The following TADA1 variants were observed in gnomAD, a reference collection of about 807,000 sequenced individuals.
TADA1 encodes the protein transcriptional adapter 1.
TADA1 carries 23 observed loss-of-function variants against 39.3 expected under a neutral mutation model. The observed-to-expected ratio is 0.58, with a 90% CI of 0.42 to 0.83. The LOEUF (loss-of-function observed/expected upper bound fraction) is 0.83, where lower values mean the gene tolerates loss of function less well. Ranked by LOEUF, TADA1 falls within the 40% of genes least tolerant of loss-of-function variation. The pLI, the probability that TADA1 is intolerant of heterozygous loss-of-function variation, is 0.00. For synonymous variants in TADA1, 137 were observed against 151.8 expected (o/e 0.90, Z 0.72); for missense variants, 352 against 408.1 (o/e 0.86, Z 1.18).
intron 1 of TADA1, among the ~76,000 whole-genome samples, chr1:166,875,677 T>C (rs979539411): frequency 1.3e-5 from 2 of 152,380 alleles, no homozygotes; most frequent in Admixed American, 6.5e-5. Flanking sequence ...CCTTACGAAA[T>C]TGCTGTCAAA....
chr1:166,872,739 C>T (rs1339570056), intron 1 of TADA1, among the ~76,000 whole-genome samples: 6 of 152,230 alleles, frequency 3.9e-5, no homozygotes, highest in Middle Eastern at 6.8e-3. Flanking sequence ...AGTGAAGCCA[C>T]CTGAGGCCCT....
At chr1:166,875,754 CA>C (rs940248002) in intron 1 of TADA1, among the ~76,000 whole-genome samples, 3 of 152,254 alleles carry the variant, frequency 2.0e-5, no homozygotes, top group African/African-American at 7.2e-5. Flanking sequence ...GGAAGCCCTC[CA>C]GGGGCGGGCC....
intron 3 of TADA1, among the ~76,000 whole-genome samples, chr1:166,867,581 G>A (rs1304017366): frequency 6.6e-6 from 1 of 151,076 alleles, no homozygotes; most frequent in Non-Finnish European, 1.5e-5. Flanking sequence ...GAGATCTTAT[G>A]TGAATTTTTT....
At chr1:166,862,892 AT>A (rs1490993516) in intron 4 of TADA1, 5 of 160,494 alleles carry the variant, frequency 3.1e-5, no homozygotes, top group Admixed American at 2.4e-4. Flanking sequence ...TAACTACTTA[AT>A]TGCTGTTATT....
At chr1:166,875,369 C>G (rs562454579) in intron 1 of TADA1, among the ~76,000 whole-genome samples, 1 of 152,258 alleles carries the variant, frequency 6.6e-6, no homozygotes, top group African/African-American at 2.4e-5. Context: ...CCTGCCATAA[C>G]CTGGATGAAG....
chr1:166,859,600 A>G (rs1006281628), intron 6 of TADA1, among the ~76,000 whole-genome samples: 1 of 152,182 alleles, frequency 6.6e-6, no homozygotes, highest in Non-Finnish European at 1.5e-5. Flanking sequence ...GACTCAGGAC[A>G]TAGAGACATC....
chr1:166,864,110 C>A (rs1347219996), intron 3 of TADA1, among the ~76,000 whole-genome samples, 189 bp from the exon 4 acceptor site: 1 of 152,042 alleles, frequency 6.6e-6, no homozygotes, highest in Non-Finnish European at 1.5e-5. Flanking sequence ...ACATTTTTTT[C>A]CTAGCTGCAA....
At chr1:166,864,653 G>A (rs1396170852) in intron 3 of TADA1, among the ~76,000 whole-genome samples, 3 of 152,176 alleles carry the variant, frequency 2.0e-5, no homozygotes, top group African/African-American at 4.8e-5. Context: ...GCTGGGCCTC[G>A]TGTTTAAAAA....
chr1:166,864,834 T>C (rs74119700), intron 3 of TADA1, among the ~76,000 whole-genome samples: 1,790 of 152,194 alleles, frequency 0.012, 34 homozygotes, highest in African/African-American at 0.041. Context: ...TAAGGACTCT[T>C]CTCTAGTTAA....
chr1:166,868,146 G>C (rs1424146397), intron 3 of TADA1, among the ~76,000 whole-genome samples: 1 of 152,122 alleles, frequency 6.6e-6, no homozygotes, highest in Non-Finnish European at 1.5e-5. Flanking sequence ...AAAAAGTCCA[G>C]TATGACTTTT....
intron 3 of TADA1, among the ~76,000 whole-genome samples, chr1:166,864,861 G>A (rs1378387326): frequency 6.6e-6 from 1 of 152,100 alleles, no homozygotes; most frequent in African/African-American, 2.4e-5. Flanking sequence ...CACAATTTCT[G>A]GGATTTACTA....
chr1:166,860,358 A>G (rs1467328078), intron 5 of TADA1, 21 bp from the exon 6 acceptor site: 3 of 1,575,202 alleles, frequency 1.9e-6, no homozygotes, highest in Non-Finnish European at 2.6e-6. Flanking sequence ...ACAAAAAGAA[A>G]AATAGCATGA....
chr1:166,868,839 G>A (rs532983704), intron 3 of TADA1: 37 of 159,308 alleles, frequency 2.3e-4, no homozygotes, highest in African/African-American at 2.6e-4. Flanking sequence ...TAACACGCCC[G>A]GACCAAGGGG....
At chr1:166,872,942 G>A (rs1658687240) in intron 1 of TADA1, among the ~76,000 whole-genome samples, 1 of 152,192 alleles carries the variant, frequency 6.6e-6, no homozygotes, top group Non-Finnish European at 1.5e-5. Flanking sequence ...GTCAGATTAC[G>A]AAGCACTGGA....
At chr1:166,858,075 A>C (rs763039195) in intron 7 of TADA1, 44 bp downstream of exon 7, 11 of 1,606,952 alleles carry the variant, frequency 6.8e-6, no homozygotes, top group Non-Finnish European at 8.5e-6. Context: ...GAATCTCTTA[A>C]CCTATCCATA....
intron 1 of TADA1, among the ~76,000 whole-genome samples, chr1:166,870,351 G>C (rs889717903): frequency 2.0e-5 from 3 of 152,158 alleles, no homozygotes; most frequent in African/African-American, 7.2e-5. Flanking sequence ...CAACAAGAAG[G>C]CTGTCATCTA....
chr1:166,863,732 A>T, intron 4 of TADA1, 92 bp downstream of exon 4: 1 of 1,134,906 alleles, frequency 8.8e-7, no homozygotes, highest in Non-Finnish European at 1.3e-6. Flanking sequence ...CTCTACTACC[A>T]GTATTTTAAT....
intron 3 of TADA1, among the ~76,000 whole-genome samples, chr1:166,864,963 A>G (rs1312547340): frequency 6.6e-6 from 1 of 152,250 alleles, no homozygotes; most frequent in Non-Finnish European, 1.5e-5. Flanking sequence ...GCTTCCTGTC[A>G]GCTTACTCTA....
In TADA1 at chr1:166,860,214, C is replaced by T; in HGVS notation, c.664G>A (p.Val222Ile). 1.2e-6 allele frequency: 2 copies of T among 1,612,006 alleles called. No homozygotes were observed. The highest frequency in any genetic ancestry group is 2.7e-5 in the African/African-American group (2 of 74,892). ...TCTATTAAGTTGTTGTAAGCTACTA[C>T]ACTATTCTTCAGGTATGGCTGCGGG... ...VTPQPYLKNS[V>I]VAYNNLIESP... The change falls in exon 6 of 8, where the codon GTA becomes ATA. Residue 222 changes from valine to isoleucine, a missense_variant. By Grantham distance (29) the Val-to-Ile change is conservative. This residue lies in a region of TADA1 where 285 missense variants were observed against 310.9 expected (regional missense o/e 0.92). Coordinates refer to ENST00000367874, the MANE Select transcript of TADA1 (RefSeq NM_053053.4).
Sources: allele counts gnomAD v4.1 joint callset (sites outside exome capture counted in the v4.1 genomes callset), GRCh38; gene constraint gnomAD v4.1.1; regional missense constraint gnomAD v4.1.1; transcripts MANE v1.5; gene names NCBI Gene and HGNC (gene_info 2026-07-23, HGNC 2026-07-21).